Variants in EBF4 observed in about 807,000 individuals in gnomAD.
EBF4 encodes EBF transcription factor 4.
A neutral mutation model predicts 67.1 loss-of-function variants in EBF4; 34 were observed. That is an observed-to-expected ratio of 0.51 (90% CI 0.39 to 0.67). EBF4 has a LOEUF of 0.67. Among genes scored for constraint, EBF4 ranks in the 30% least tolerant of loss-of-function variants. The probability of loss-of-function intolerance (pLI) is 0.00; values close to 1 mark genes in which losing one functional copy is unlikely to be tolerated. For missense variants in EBF4, 837 were observed against 873.3 expected (o/e 0.96, Z 0.52); for synonymous variants, 387 against 377.7 (o/e 1.02, Z -0.29).
intron 12 of EBF4, 40 bp downstream of exon 12, chr20:2,752,027 G>A: frequency 6.6e-7 from 1 of 1,524,544 alleles, no homozygotes; most frequent in Non-Finnish European, 8.8e-7. Context: ...CGGGACCGGG[G>A]CCCCCCAGCA....
intron 6 of EBF4, among the ~76,000 whole-genome samples, chr20:2,732,751 T>C (rs932972265): frequency 3.3e-5 from 5 of 152,204 alleles, no homozygotes; most frequent in Non-Finnish European, 7.3e-5. Flanking sequence ...TTAATGTAAT[T>C]GCTGATAGAA....
chr20:2,752,449 G>A, exon 14 of EBF4: 1 of 1,276,190 alleles, frequency 7.8e-7, no homozygotes. Flanking sequence ...CCTCGGAGCT[G>A]GCCTGGGCGG....
chr20:2,698,922 T>A (rs2087336045), intron 1 of EBF4, among the ~76,000 whole-genome samples: 1 of 152,146 alleles, frequency 6.6e-6, no homozygotes, highest in African/African-American at 2.4e-5. Flanking sequence ...GGCTCCAGCC[T>A]TGGTCACTTG....
At position 2,696,246 on chromosome 20, in the gene EBF4, C is replaced by T. The variant is rs776174608; in HGVS notation, c.137+2464C>T. 3.9e-5 allele frequency among the ~76,000 whole-genome samples: 6 copies of T among 152,242 alleles called. No individual in the cohort carries two copies. Among genetic ancestry groups the T allele is most frequent in the East Asian group, 1.9e-4 (1 of 5,176 alleles). ...CAGCACTTTGGGAGGCCAAGGTGGGCGTTTCACTTGAGGCCAGGAGTTCGA... is the reference window on the plus strand; with the variant it reads ...CAGCACTTTGGGAGGCCAAGGTGGGTGTTTCACTTGAGGCCAGGAGTTCGA... On this transcript the variant is annotated intron_variant, in intron 1 of 16. Coordinates refer to ENST00000609451, the Ensembl canonical transcript of EBF4. The surrounding 1 kb of genome is among the most constrained non-coding windows in gnomAD (Gnocchi z 4.7).
intron 6 of EBF4, among the ~76,000 whole-genome samples, chr20:2,714,872 T>C (rs907016043): frequency 6.6e-5 from 10 of 152,212 alleles, no homozygotes; most frequent in Non-Finnish European, 1.3e-4. Context: ...TTTAAATGTA[T>C]CCTGTGGTTG....
chr20:2,723,348 A>T (rs1166010427), intron 6 of EBF4, among the ~76,000 whole-genome samples: 1,551 of 151,020 alleles, frequency 0.01, 25 homozygotes, highest in African/African-American at 0.036. Context: ...ATTTATTTTT[A>T]TTTTTTTTTA....
At chr20:2,752,161 C>T (rs758161617) in exon 13 of EBF4, 2 of 1,445,706 alleles carry the variant, frequency 1.4e-6, no homozygotes, top group African/African-American at 1.5e-5. Flanking sequence ...GCCGCTCGCA[C>T]CCCTGGCCCC....
intron 6 of EBF4, among the ~76,000 whole-genome samples, chr20:2,740,358 T>C (rs964949293): frequency 6.6e-6 from 1 of 152,172 alleles, no homozygotes; most frequent in Admixed American, 6.5e-5. Flanking sequence ...TAAAATTCAG[T>C]TCCTCAGTTG....
upstream of EBF4, among the ~76,000 whole-genome samples, chr20:2,693,360 C>T (rs1250036403): frequency 6.6e-6 from 1 of 150,996 alleles, no homozygotes; most frequent in African/African-American, 2.4e-5. This position sits in a 1 kb window ranked among gnomAD's most constrained non-coding sequence, Gnocchi z 4.6. Flanking sequence ...GCTCCGCTCC[C>T]CGCCCTCCCC....
intron 6 of EBF4, among the ~76,000 whole-genome samples, chr20:2,742,874 A>G (rs2087988493): frequency 6.6e-6 from 1 of 152,170 alleles, no homozygotes. Flanking sequence ...AACAAAGTGC[A>G]CATCCCTTCC....
chr20:2,719,639 A>G (rs1035519087), intron 6 of EBF4, among the ~76,000 whole-genome samples: 2 of 152,136 alleles, frequency 1.3e-5, no homozygotes, highest in African/African-American at 2.4e-5. Context: ...TACAGGGCTC[A>G]AGCAATCTGC....
chr20:2,737,137 C>G (rs1020942506), intron 6 of EBF4, among the ~76,000 whole-genome samples: 4 of 151,604 alleles, frequency 2.6e-5, no homozygotes, highest in Non-Finnish European at 5.9e-5. Flanking sequence ...GTAGTCCCAG[C>G]TACTCGGGAG....
At chr20:2,729,616 A>G (rs1342075115) in intron 6 of EBF4, among the ~76,000 whole-genome samples, 3 of 151,920 alleles carry the variant, frequency 2.0e-5, no homozygotes, top group Admixed American at 6.6e-5. Flanking sequence ...CACAGTTCCT[A>G]TTTTTCACCC....
chr20:2,731,161 C>T lies in EBF4; in HGVS notation c.558-17388C>T, dbSNP rs577174980. ...ATCCGCCCGCCTCAGCCTCCCAAAG[C>T]GCTGGGATTACAGGCATGAGCCACT... On this transcript the variant is annotated intron_variant, in intron 6 of 16. Transcript: ENST00000609451. 3.9e-5 allele frequency among the ~76,000 whole-genome samples: 6 copies of T among 152,252 alleles called. No individual in the cohort carries two copies. The East Asian group carries it at 7.7e-4, about 20-fold the overall frequency.
At position 2,755,778 on chromosome 20, in the gene EBF4, C is replaced by T. The variant is rs750399245; in HGVS notation, c.1692C>T (p.Ser564=). 26 of 1,550,074 alleles carry T rather than the reference C, an allele frequency of 1.7e-5. 1 individual carries two copies. Among genetic ancestry groups the T allele is most frequent in the Middle Eastern group, 3.3e-4 (2 of 5,992 alleles). Reference sequence around the variant, plus strand: ...TCGCCCCCGTGCTGCGCCCCCCAAGCTCCCCACCCCAGGCCTGCCCCAGAG... The same window carrying T: ...TCGCCCCCGTGCTGCGCCCCCCAAGTTCCCCACCCCAGGCCTGCCCCAGAG... Residue 564 remains serine, a synonymous_variant, in exon 15 of 17, where the codon AGC becomes AGT. Coordinates refer to ENST00000609451, the Ensembl canonical transcript of EBF4. The surrounding 1 kb of genome is among the most constrained non-coding windows in gnomAD (Gnocchi z 4.7).
chr20:2,713,261 A>G (rs2087566496), intron 6 of EBF4, among the ~76,000 whole-genome samples: 1 of 152,220 alleles, frequency 6.6e-6, no homozygotes, highest in African/African-American at 2.4e-5. Flanking sequence ...GGCTGGTTTT[A>G]GCTGGGAGCA....
intron 5 of EBF4, 55 bp from the exon 6 acceptor site, chr20:2,709,519 G>A (rs7273910): frequency 0.095 from 142,660 of 1,500,426 alleles, 7,716 homozygotes; most frequent in Admixed American, 0.16. Flanking sequence ...ACACACTGTC[G>A]TGGCCCCCTC....
In EBF4 at chr20:2,733,218, A is replaced by G. The variant is rs139191863; in HGVS notation, c.558-15331A>G. ...GATAGTTGTTTTCTTTTAACACAAT[A>G]TATCATCTCACTGCCTTCTGTCCTT... On this transcript the variant is annotated intron_variant, in intron 6 of 16. Transcript: ENST00000609451. 3.9e-5 allele frequency among the ~76,000 whole-genome samples: 6 copies of G among 152,334 alleles called. No homozygotes were observed. The East Asian group carries it at 1.2e-3, about 29-fold the overall frequency.
chr20:2,693,022 C>T, upstream of EBF4: 1 of 149,772 alleles, frequency 6.7e-6, no homozygotes, highest in East Asian at 2.0e-4. The surrounding 1 kb of genome is among the most constrained non-coding windows in gnomAD (Gnocchi z 4.6). Flanking sequence ...GCGGCGGCGG[C>T]GTCTGCTGGC....
Sources: allele counts gnomAD v4.1 joint callset (sites outside exome capture counted in the v4.1 genomes callset), GRCh38; gene constraint gnomAD v4.1.1; non-coding constraint Gnocchi (gnomAD v3.1); transcripts MANE v1.5; gene names NCBI Gene and HGNC (gene_info 2026-07-23, HGNC 2026-07-21).